Variants in MAPK8 observed in about 807,000 individuals in gnomAD.
The protein encoded by MAPK8 is JUN N-terminal kinase.
A neutral mutation model predicts 52.9 loss-of-function variants in MAPK8; 13 were observed. That is an observed-to-expected ratio of 0.25 (90% confidence interval 0.16 to 0.39). The LOEUF is 0.39. Among genes scored for constraint, MAPK8 ranks in the 10% least tolerant of loss-of-function variants. MAPK8 has a pLI of 1.00. For missense variants in MAPK8, 300 were observed against 519.2 expected (o/e 0.58, Z 4.10); for synonymous variants, 191 against 169.8 (o/e 1.12, Z -0.97).
chr10:48,313,840 C>G (rs923809531), intron 1 of MAPK8, among the ~76,000 whole-genome samples: 2 of 152,228 alleles, frequency 1.3e-5, no homozygotes, highest in Non-Finnish European at 2.9e-5. Context: ...ACTGCCACCT[C>G]TGCCTCCGAG....
chr10:48,310,520 A>G (rs753766995), intron 1 of MAPK8, among the ~76,000 whole-genome samples: 3 of 152,184 alleles, frequency 2.0e-5, no homozygotes, highest in Non-Finnish European at 4.4e-5. Flanking sequence ...CATGCCTTCT[A>G]ATGAGACCGT....
At chr10:48,402,866 T>C (rs1352286352) in intron 2 of MAPK8, among the ~76,000 whole-genome samples, 1 of 152,186 alleles carries the variant, frequency 6.6e-6, no homozygotes, top group Non-Finnish European at 1.5e-5. Context: ...AAAATTGTGA[T>C]ACAGTCATGC....
chr10:48,357,554 A>G (rs1010619719), intron 1 of MAPK8, among the ~76,000 whole-genome samples: 1 of 151,916 alleles, frequency 6.6e-6, no homozygotes, highest in Non-Finnish European at 1.5e-5. Context: ...ATGCCACCAC[A>G]CCTGGCTAAA....
intron 11 of MAPK8, among the ~76,000 whole-genome samples, chr10:48,433,773 A>G (rs1223954796): frequency 6.6e-6 from 1 of 152,200 alleles, no homozygotes; most frequent in Non-Finnish European, 1.5e-5. Context: ...GAATGGAGGG[A>G]TGATCTCAAA....
At chr10:48,353,964 G>T (rs1243483897) in intron 1 of MAPK8, among the ~76,000 whole-genome samples, 1 of 152,106 alleles carries the variant, frequency 6.6e-6, no homozygotes, top group Non-Finnish European at 1.5e-5. Context: ...TGTGATTGGT[G>T]GTAGTGACAC....
At chr10:48,309,099 A>G (rs1439080506) in intron 1 of MAPK8, among the ~76,000 whole-genome samples, 2 of 152,264 alleles carry the variant, frequency 1.3e-5, no homozygotes, top group African/African-American at 2.4e-5. Flanking sequence ...GTTACTGACA[A>G]TCCTTTGGCA....
At chr10:48,351,326 G>T (rs1453164945) in intron 1 of MAPK8, among the ~76,000 whole-genome samples, 1 of 144,788 alleles carries the variant, frequency 6.9e-6, no homozygotes, top group African/African-American at 2.6e-5. Context: ...AGGCTGGAGT[G>T]CAGTGGCATG....
chr10:48,314,739 C>G (rs1279776584), intron 1 of MAPK8, among the ~76,000 whole-genome samples: 2 of 152,036 alleles, frequency 1.3e-5, no homozygotes, highest in Admixed American at 1.3e-4. Context: ...TTGAACTGTC[C>G]TTGTCTTTGC....
At chr10:48,409,503 T>C (rs1015427727) in intron 3 of MAPK8, among the ~76,000 whole-genome samples, 5 of 152,106 alleles carry the variant, frequency 3.3e-5, no homozygotes. Flanking sequence ...TGCAGTATTA[T>C]GAAAAACCAA....
At chr10:48,332,960 T>C (rs886875178) in intron 1 of MAPK8, among the ~76,000 whole-genome samples, 6 of 152,168 alleles carry the variant, frequency 3.9e-5, no homozygotes, top group African/African-American at 1.2e-4. Flanking sequence ...AGCAATTAGG[T>C]AATCTTCCTT....
At chr10:48,404,672 G>A (rs2042364219) in intron 2 of MAPK8, among the ~76,000 whole-genome samples, 180 bp from the exon 3 acceptor site, 1 of 152,138 alleles carries the variant, frequency 6.6e-6, no homozygotes, top group South Asian at 2.1e-4. Context: ...TTAGGAAATA[G>A]TTGCAAAAAA....
At chr10:48,395,110 A>C (rs1453905723) in intron 1 of MAPK8, among the ~76,000 whole-genome samples, 1 of 151,990 alleles carries the variant, frequency 6.6e-6, no homozygotes, top group Non-Finnish European at 1.5e-5. Flanking sequence ...CCATAAATGC[A>C]ATTCTAGTCA....
chr10:48,353,618 A>G (rs888683675), intron 1 of MAPK8, among the ~76,000 whole-genome samples: 2 of 152,102 alleles, frequency 1.3e-5, no homozygotes, highest in African/African-American at 4.8e-5. Context: ...ACAACCATAA[A>G]ACTTAAAACA....
Position 48,308,532 on chromosome 10 carries a change from GATAA to G in MAPK8, c.-50+1717_-50+1720del, listed in dbSNP as rs367804180. Among the ~76,000 whole-genome samples, 119 of 152,142 alleles carry G rather than the reference GATAA, an allele frequency of 7.8e-4. 1 individual carries two copies. In the East Asian group the frequency reaches 0.019, roughly 24 times the overall value. On this transcript the variant is annotated intron_variant, in intron 1 of 11. Coordinates refer to ENST00000374189, the MANE Select transcript of MAPK8 (RefSeq NM_001323329.2). ...TCTTGTCTAAATATTTTTTTAATAT[GATAA>G]ATAAAGTAGGTTGTGGAGTGTGTGT...
chr10:48,398,515 G>A (rs1012019395), intron 1 of MAPK8, among the ~76,000 whole-genome samples: 1 of 152,104 alleles, frequency 6.6e-6, no homozygotes, highest in Non-Finnish European at 1.5e-5. Context: ...AAATGATATG[G>A]CCTCTTTGCA....
Position 48,324,502 on chromosome 10 carries a change from A to ATTTTTTTTTTTTT in MAPK8, c.-50+17681_-50+17682insTTTTTTTTTTTTT, listed in dbSNP as rs1554810394. ...TTATACAACAGTTGTCCTGTTTTCT[A>ATTTTTTTTTTTTT]GTTTTTTTTTTTTTTTTTACACTCA... On this transcript the variant is annotated intron_variant, in intron 1 of 11. Transcript: ENST00000374189. Among the ~76,000 whole-genome samples, 142 of 54,332 alleles carry ATTTTTTTTTTTTT rather than the reference A, an allele frequency of 2.6e-3. 4 individuals are homozygous for ATTTTTTTTTTTTT. Among genetic ancestry groups the ATTTTTTTTTTTTT allele is most frequent in the African/African-American group, 0.021 (140 of 6,572 alleles). 35.6% of individuals were successfully genotyped at this position (54,332 alleles called of 152,430 possible).
intron 1 of MAPK8, among the ~76,000 whole-genome samples, chr10:48,312,297 C>CT (rs1842052138): frequency 6.6e-6 from 1 of 152,142 alleles, no homozygotes. Context: ...ATATGAAAAG[C>CT]TGACAGTAGA....
rs889736074 is a variant in MAPK8 at position 48,435,103 on chromosome 10, C to G, written c.*74C>G. 1.6e-5 allele frequency: 18 copies of G among 1,129,280 alleles called. No individual in the cohort carries two copies. In the South Asian group the frequency reaches 3.6e-4, roughly 23 times the overall value. 70.0% of individuals were successfully genotyped at this position (1,129,280 alleles called of 1,614,324 possible). A position where few individuals can be genotyped will look rare whatever the true frequency, so the allele number is the denominator to read the frequency against. On this transcript the variant is annotated 3_prime_UTR_variant, in exon 12 of 12. Coordinates refer to ENST00000374189, the MANE Select transcript of MAPK8 (RefSeq NM_001323329.2). Reference sequence around the variant, plus strand: ...TGATAGAACTACTTTGAAAACAATTCAGTGGTCTTATTTTTGGGTGATTTT... The same window carrying G: ...TGATAGAACTACTTTGAAAACAATTGAGTGGTCTTATTTTTGGGTGATTTT...
intron 1 of MAPK8, among the ~76,000 whole-genome samples, chr10:48,346,511 T>TCAAGGAA (rs951759513): frequency 2.6e-5 from 4 of 152,148 alleles, no homozygotes; most frequent in African/African-American, 9.7e-5. Flanking sequence ...GCAAAAGGTG[T>TCAAGGAA]CAAGGAACAA....
Sources: allele counts gnomAD v4.1 joint callset (sites outside exome capture counted in the v4.1 genomes callset), GRCh38; gene constraint gnomAD v4.1.1; transcripts MANE v1.5; gene names NCBI Gene and HGNC (gene_info 2026-07-23, HGNC 2026-07-21).